Variants in CLYBL observed in about 807,000 individuals in gnomAD.
CLYBL encodes the protein citramalyl-CoA lyase.
In CLYBL, 31 loss-of-function variants were observed where a neutral mutation model predicts 38.9. The observed-to-expected ratio is 0.80, with a 90% CI of 0.60 to 1.08. The LOEUF is 1.08. Ranked by LOEUF, CLYBL falls within the 50% of genes least tolerant of loss-of-function variation. The probability of loss-of-function intolerance (pLI) is 0.00; values close to 1 mark genes in which losing one functional copy is unlikely to be tolerated. For synonymous variants in CLYBL, 171 were observed against 158.6 expected (o/e 1.08, Z -0.59); for missense variants, 434 against 411.6 (o/e 1.05, Z -0.47).
chr13:99,870,918 T>C lies in CLYBL; in HGVS notation c.803-20T>C, dbSNP rs756638110. 6 of 1,584,156 alleles carry C rather than the reference T, an allele frequency of 3.8e-6. No homozygotes were observed. The highest frequency in any genetic ancestry group is 4.3e-6 in the Non-Finnish European group (5 of 1,167,792). On this transcript the variant is annotated intron_variant, in intron 6 of 8. Transcript: ENST00000339105. ...TCTGTTCGTTGTTTCGTGGTTCCGA[T>C]GTTATTAATATTCTTGTAGGTAAGC... is the stretch of plus-strand genomic sequence containing the variant.
Position 99,858,978 on chromosome 13 carries a change from C to G in CLYBL, c.367C>G (p.Leu123Val). ...SGLAEEDLET[L>V]LQSRVLPSSL... ...TCTGGCGGAAGAAGACCTAGAGACC[C>G]TTTTGCAATCCCGGGTCCTTCCTTC... Residue 123 changes from leucine to valine, a missense_variant, in exon 3 of 9, where the codon CTT becomes GTT. By Grantham distance (32) the Leu-to-Val change is conservative. Transcript: ENST00000339105. The G allele has an allele frequency of 6.2e-7, 1 of 1,614,088 alleles. No homozygotes were observed. The highest frequency in any genetic ancestry group is 1.1e-5 in the South Asian group (1 of 91,062).
At chr13:99,730,626 C>T (rs917037798) in intron 1 of CLYBL, among the ~76,000 whole-genome samples, 2 of 152,126 alleles carry the variant, frequency 1.3e-5, no homozygotes, top group African/African-American at 2.4e-5. Flanking sequence ...CAGGGAGCAG[C>T]AGAGCCGCCC....
intron 1 of CLYBL, among the ~76,000 whole-genome samples, chr13:99,749,217 G>A (rs1021233673): frequency 1.7e-4 from 26 of 151,956 alleles, no homozygotes; most frequent in Admixed American, 1.6e-3. Flanking sequence ...AAAGACTTCC[G>A]TCATTGGGAC....
At chr13:99,615,566 A>G (rs954082170) in intron 1 of CLYBL, among the ~76,000 whole-genome samples, 8 of 152,312 alleles carry the variant, frequency 5.3e-5, no homozygotes, top group African/African-American at 1.7e-4. Flanking sequence ...TTAGAATTTT[A>G]TTAGGCAATA....
At chr13:99,768,150 C>A (rs1594169517) in intron 1 of CLYBL, among the ~76,000 whole-genome samples, 1 of 150,928 alleles carries the variant, frequency 6.6e-6, no homozygotes, top group East Asian at 1.9e-4. Context: ...AAAATATAAG[C>A]CTGAGGTATA....
intron 1 of CLYBL, among the ~76,000 whole-genome samples, chr13:99,614,772 A>G (rs557791806): frequency 3.4e-5 from 4 of 118,924 alleles, no homozygotes; most frequent in Admixed American, 7.9e-5. Flanking sequence ...CCAAGGAGTC[A>G]GGGGGGGAGG....
chr13:99,883,290 G>A (rs1325345232), intron 7 of CLYBL, among the ~76,000 whole-genome samples: 4 of 152,152 alleles, frequency 2.6e-5, no homozygotes, highest in Admixed American at 2.0e-4. Context: ...GGAGGCCGAG[G>A]CGGGTGGATC....
At chr13:99,837,392 G>A (rs1393978400) in intron 2 of CLYBL, among the ~76,000 whole-genome samples, 1 of 152,188 alleles carries the variant, frequency 6.6e-6, no homozygotes, top group African/African-American at 2.4e-5. Context: ...TGAAGCTGCA[G>A]TGAGCACCGT....
chr13:99,647,212 A>G (rs1403448898), intron 1 of CLYBL, among the ~76,000 whole-genome samples: 4 of 152,216 alleles, frequency 2.6e-5, no homozygotes, highest in Non-Finnish European at 5.9e-5. Context: ...AACAAAACAA[A>G]CAAAAAACTA....
At chr13:99,769,632 A>T (rs1479577388) in intron 1 of CLYBL, among the ~76,000 whole-genome samples, 1 of 152,264 alleles carries the variant, frequency 6.6e-6, no homozygotes, top group African/African-American at 2.4e-5. Flanking sequence ...ACGATGACAG[A>T]TATTTCAGGC....
intron 7 of CLYBL, among the ~76,000 whole-genome samples, chr13:99,873,641 C>T (rs1809256481): frequency 6.6e-6 from 1 of 152,156 alleles, no homozygotes; most frequent in Admixed American, 6.5e-5. Context: ...TTATATCCTG[C>T]CCAAACATAA....
intron 1 of CLYBL, among the ~76,000 whole-genome samples, chr13:99,712,425 C>G (rs2048249583): frequency 2.0e-5 from 3 of 150,786 alleles, no homozygotes. Context: ...ACCTCTGCCT[C>G]CTGGGCTCAA....
In CLYBL at chr13:99,833,030, A is replaced by ATTT. The variant is rs869061868; in HGVS notation, c.250-25805_250-25803dup. On this transcript the variant is annotated intron_variant, in intron 2 of 8. Transcript: ENST00000339105. ...TACATATATATATATATATATATAT[A>ATTT]TTTTTTTTTTTTTTTTTTTTTTTTT... 5.0e-4 allele frequency among the ~76,000 whole-genome samples: 18 copies of ATTT among 35,868 alleles called. 2 individuals carry two copies. Among genetic ancestry groups the ATTT allele is most frequent in the African/African-American group, 2.4e-3 (17 of 7,138 alleles). 23.5% of individuals were successfully genotyped at this position (35,868 alleles called of 152,430 possible).
intron 1 of CLYBL, among the ~76,000 whole-genome samples, chr13:99,685,278 A>G (rs1566609524): frequency 6.6e-6 from 1 of 152,230 alleles, no homozygotes; most frequent in East Asian, 1.9e-4. Context: ...AGTTCTACAA[A>G]AATTGAAGGG....
intron 1 of CLYBL, among the ~76,000 whole-genome samples, chr13:99,636,840 T>C (rs2047024643): frequency 6.6e-6 from 1 of 152,040 alleles, no homozygotes; most frequent in South Asian, 2.1e-4. Context: ...AGTGGCAAGA[T>C]GGAGTATTAG....
intron 9 of CLYBL, among the ~76,000 whole-genome samples, chr13:99,906,625 T>C (rs969174453): frequency 1.3e-5 from 2 of 152,092 alleles, no homozygotes; most frequent in African/African-American, 4.8e-5. Flanking sequence ...GGTTTCTCCA[T>C]GTTGGCCAGG....
intron 1 of CLYBL, among the ~76,000 whole-genome samples, chr13:99,732,169 GTT>G (rs35027014): frequency 4.8e-3 from 440 of 90,756 alleles, no homozygotes; most frequent in Non-Finnish European, 5.6e-3. Flanking sequence ...TTATATGGCA[GTT>G]TTTTTTTTTT....
intron 7 of CLYBL, 101 bp downstream of exon 7, chr13:99,871,163 T>G: frequency 7.4e-7 from 1 of 1,352,792 alleles, no homozygotes; most frequent in South Asian, 1.2e-5. Context: ...AAACTCATCG[T>G]ATCTGGAGAG....
At chr13:99,866,601 C>T (rs1307906781) in intron 6 of CLYBL, among the ~76,000 whole-genome samples, 194 bp downstream of exon 6, 1 of 151,284 alleles carries the variant, frequency 6.6e-6, no homozygotes, top group Non-Finnish European at 1.5e-5. Context: ...TGCAAGTCAA[C>T]AAATCACTCA....
Sources: allele counts gnomAD v4.1 joint callset (sites outside exome capture counted in the v4.1 genomes callset), GRCh38; gene constraint gnomAD v4.1.1; transcripts MANE v1.5; gene names NCBI Gene and HGNC (gene_info 2026-07-23, HGNC 2026-07-21).